Variants in CFAP91 observed in about 807,000 individuals in gnomAD.
CFAP91 encodes cilia- and flagella-associated protein 91.
In CFAP91, 85 loss-of-function variants were observed where a neutral mutation model predicts 95.9. The observed-to-expected ratio is 0.89, with a 90% CI of 0.74 to 1.06. The LOEUF is 1.06. Ranked by LOEUF, CFAP91 falls within the 50% of genes least tolerant of loss-of-function variation. CFAP91 has a pLI of 0.00. For missense variants in CFAP91, 962 were observed against 943.4 expected (o/e 1.02, Z -0.26); for synonymous variants, 335 against 327.5 (o/e 1.02, Z -0.25).
chr3:119,751,834 T>A (rs576252848), intron 17 of CFAP91, among the ~76,000 whole-genome samples: 7 of 152,164 alleles, frequency 4.6e-5, no homozygotes, highest in African/African-American at 1.7e-4. Context: ...TTGTAATAAT[T>A]CCATAGGCAT....
At chr3:119,751,217 C>A in intron 17 of CFAP91, 119 bp downstream of exon 17, 1 of 1,142,008 alleles carries the variant, frequency 8.8e-7, no homozygotes, top group Non-Finnish European at 1.2e-6. Flanking sequence ...AAATGGAGGA[C>A]TTCCACTTAA....
Position 119,735,021 on chromosome 3 carries a change from T to A in CFAP91, c.1344+1515T>A, listed in dbSNP as rs908366057. The stretch of plus-strand genomic sequence containing the variant: ...TATAAATTCCATTTCACCTACCTTT[T>A]CCATTTTTTTGGCATATGATTGTTG... On this transcript the variant is annotated intron_variant, in intron 10 of 17. Transcript: ENST00000273390. Among the ~76,000 whole-genome samples the A allele has an allele frequency of 2.6e-5, 4 of 152,172 alleles. No homozygotes were observed. The East Asian group carries it at 7.7e-4, about 29-fold the overall frequency.
intron 6 of CFAP91, among the ~76,000 whole-genome samples, chr3:119,719,449 G>C (rs1024697007): frequency 6.6e-6 from 1 of 152,196 alleles, no homozygotes; most frequent in Non-Finnish European, 1.5e-5. Flanking sequence ...TAACGACAGT[G>C]AAAAAGGATG....
intron 6 of CFAP91, among the ~76,000 whole-genome samples, chr3:119,721,291 T>C (rs182565477): frequency 2.0e-5 from 3 of 152,356 alleles, no homozygotes; most frequent in Admixed American, 6.5e-5. Context: ...TGCTCATTTA[T>C]GACATATACT....
chr3:119,726,448 G>C, intron 7 of CFAP91, 100 bp downstream of exon 7: 1 of 1,164,764 alleles, frequency 8.6e-7, no homozygotes, highest in Non-Finnish European at 1.2e-6. Flanking sequence ...GGGTTGAAAA[G>C]CAATCCTCAA....
At chr3:119,708,822 A>T in intron 4 of CFAP91, 148 bp downstream of exon 4, 2 of 554,910 alleles carry the variant, frequency 3.6e-6, no homozygotes, top group Non-Finnish European at 6.5e-6. Flanking sequence ...AATCGTTAAA[A>T]CAGGAATGTA....
At chr3:119,746,972 G>GAA (rs2054232266) in intron 14 of CFAP91, 143 bp from the exon 15 acceptor site, 2 of 599,114 alleles carry the variant, frequency 3.3e-6, no homozygotes, top group Non-Finnish European at 2.7e-6. Context: ...AGATGCTAAA[G>GAA]AAAATGAATG....
intron 17 of CFAP91, among the ~76,000 whole-genome samples, chr3:119,763,232 A>G (rs1183450744): frequency 6.6e-6 from 1 of 152,098 alleles, no homozygotes; most frequent in African/African-American, 2.4e-5. Context: ...GCCCAACATT[A>G]CTAATCGTTC....
intron 7 of CFAP91, among the ~76,000 whole-genome samples, chr3:119,729,850 G>A (rs184557711): frequency 8.5e-5 from 13 of 152,156 alleles, no homozygotes; most frequent in Middle Eastern, 3.4e-3. Flanking sequence ...TGCCAGAACC[G>A]CATTTCCTCT....
intron 6 of CFAP91, among the ~76,000 whole-genome samples, chr3:119,717,279 G>A (rs900457297): frequency 7.2e-5 from 11 of 152,234 alleles, no homozygotes; most frequent in African/African-American, 2.2e-4. Flanking sequence ...ACCTCTTGGT[G>A]TGATAAGGAC....
At chr3:119,724,483 T>A (rs1030145858) in intron 6 of CFAP91, among the ~76,000 whole-genome samples, 3 of 152,108 alleles carry the variant, frequency 2.0e-5, no homozygotes, top group Non-Finnish European at 4.4e-5. Context: ...TTTTTTAAAT[T>A]ACTAAAGAAA....
At position 119,720,322 on chromosome 3, in the gene CFAP91, G is replaced by A. The variant is rs574554880; in HGVS notation, c.682+4579G>A. On this transcript the variant is annotated intron_variant, in intron 6 of 17. Transcript: ENST00000273390. ...TGAGGCAGGAGAATGGCGTGAACCC[G>A]GGAGGCTCTGCTTGCAGTGAGCCGA... is the stretch of plus-strand genomic sequence containing the variant. 2.0e-4 allele frequency among the ~76,000 whole-genome samples: 31 copies of A among 151,406 alleles called. No individual in the cohort carries two copies. The East Asian group carries it at 5.8e-3, about 28-fold the overall frequency.
At chr3:119,748,005 A>C in intron 16 of CFAP91, 103 bp downstream of exon 16, 1 of 849,696 alleles carries the variant, frequency 1.2e-6, no homozygotes. Context: ...GAAATTTCTA[A>C]AGGAGGATCA....
intron 10 of CFAP91, among the ~76,000 whole-genome samples, chr3:119,734,139 G>A (rs1056802027): frequency 6.6e-6 from 1 of 152,136 alleles, no homozygotes; most frequent in Admixed American, 6.5e-5. Flanking sequence ...CTGAGGTGGG[G>A]CTGGAGCATT....
intron 11 of CFAP91, among the ~76,000 whole-genome samples, chr3:119,737,718 A>G (rs2107895412): frequency 6.6e-6 from 1 of 152,376 alleles, no homozygotes; most frequent in Non-Finnish European, 1.5e-5. Context: ...AAATCTTTCC[A>G]TGAAAAATCA....
chr3:119,758,404 A>G (rs1383802796), intron 17 of CFAP91, among the ~76,000 whole-genome samples: 2 of 152,242 alleles, frequency 1.3e-5, no homozygotes, highest in African/African-American at 4.8e-5. Flanking sequence ...TTCCTATGCT[A>G]TGAAAAGTTA....
chr3:119,760,915 G>A lies in CFAP91; in HGVS notation c.*2-4137G>A, dbSNP rs80034318. 7.6e-3 allele frequency among the ~76,000 whole-genome samples: 1,120 copies of A among 147,364 alleles called. 7 individuals are homozygous for A. Among genetic ancestry groups the A allele is most frequent in the Middle Eastern group, 0.038 (11 of 292 alleles). On this transcript the variant is annotated intron_variant, in intron 17 of 17. Coordinates refer to ENST00000273390, the MANE Select transcript of CFAP91 (RefSeq NM_033364.4). ...ATTTATAGCAATATGTGCTTGCATC[G>A]AAAAAGAAGAAAGATCTCAAGTAAA...
intron 10 of CFAP91, among the ~76,000 whole-genome samples, chr3:119,737,125 A>T (rs2054024727): frequency 6.6e-6 from 1 of 152,202 alleles, no homozygotes; most frequent in South Asian, 2.1e-4. Context: ...AGTGTTTCTC[A>T]AGCTGACCTA....
At chr3:119,709,126 C>A (rs2053428549) in intron 4 of CFAP91, among the ~76,000 whole-genome samples, 1 of 152,186 alleles carries the variant, frequency 6.6e-6, no homozygotes, top group African/African-American at 2.4e-5. Flanking sequence ...CCTAAACCAA[C>A]AAGGCCAAAA....
Sources: gnomAD v4.1 joint callset for allele counts (sites outside exome capture counted in the v4.1 genomes callset) on GRCh38, gnomAD v4.1.1 for gene constraint, MANE v1.5 for transcripts, NCBI Gene and HGNC (gene_info 2026-07-23, HGNC 2026-07-21) for gene names.